The following GPR137B variants were observed in gnomAD, a reference collection of about 807,000 sequenced individuals.
The protein encoded by GPR137B is integral membrane protein GPR137B.
GPR137B carries 42 observed loss-of-function variants against 42.5 expected under a neutral mutation model. That is an observed-to-expected ratio of 0.99 (90% CI 0.77 to 1.28). The LOEUF (loss-of-function observed/expected upper bound fraction) is 1.28. Among genes scored for constraint, GPR137B ranks in the 50% most tolerant of loss-of-function variants. The probability of loss-of-function intolerance (pLI) is 0.00; values close to 1 mark genes in which losing one functional copy is unlikely to be tolerated. For synonymous variants in GPR137B, 218 were observed against 209.7 expected (o/e 1.04, Z -0.34); for missense variants, 487 against 493.9 (o/e 0.99, Z 0.13).
chr1:236,148,757 G>A (rs1158659264), intron 1 of GPR137B, among the ~76,000 whole-genome samples: 1 of 152,124 alleles, frequency 6.6e-6, no homozygotes, highest in Admixed American at 6.6e-5. Context: ...TGCGGCTCAT[G>A]GTAGGGGCTC....
At chr1:236,201,332 G>A (rs149152105) in intron 5 of GPR137B, among the ~76,000 whole-genome samples, 2 of 152,160 alleles carry the variant, frequency 1.3e-5, no homozygotes, top group African/African-American at 4.8e-5. Flanking sequence ...GATCTCTAGT[G>A]AGGCCAGGGA....
intron 1 of GPR137B, among the ~76,000 whole-genome samples, chr1:236,165,227 A>G (rs1344224828): frequency 6.6e-6 from 1 of 152,204 alleles, no homozygotes; most frequent in Non-Finnish European, 1.5e-5. Flanking sequence ...ATATTGCCAC[A>G]AATTATAAGA....
intron 2 of GPR137B, among the ~76,000 whole-genome samples, chr1:236,174,694 C>T (rs1662633821): frequency 6.6e-6 from 1 of 152,108 alleles, no homozygotes; most frequent in African/African-American, 2.4e-5. Flanking sequence ...AGAAGAGGGA[C>T]ACTGGGGCTG....
intron 1 of GPR137B, among the ~76,000 whole-genome samples, chr1:236,145,089 C>G (rs1661646124): frequency 6.6e-6 from 1 of 152,212 alleles, no homozygotes; most frequent in Non-Finnish European, 1.5e-5. Context: ...CCTGAGGGCA[C>G]AGGGTGGCTG....
chr1:236,205,411 A>G (rs1270365744), intron 6 of GPR137B, among the ~76,000 whole-genome samples, 161 bp downstream of exon 6: 2 of 152,242 alleles, frequency 1.3e-5, no homozygotes, highest in African/African-American at 4.8e-5. Context: ...TGAAACATTC[A>G]GGAATGAGAA....
Position 236,183,862 on chromosome 1 carries a change from T to A in GPR137B, c.922T>A (p.Leu308Ile). 1 of 1,606,818 alleles carries A rather than the reference T, an allele frequency of 6.2e-7. No individual in the cohort carries two copies. Among genetic ancestry groups the A allele is most frequent in the Non-Finnish European group, 8.5e-7 (1 of 1,173,570 alleles). Residue 308 changes from leucine to isoleucine, a missense_variant, in exon 5 of 7, where the codon TTA (leucine) becomes ATA (isoleucine). Leu to Ile is a conservative substitution (Grantham distance 5). Transcript: ENST00000366592. ...LFVWELLPTT[L>I]VVYFFRVRNP... ...TGTTTGGGAACTCTTACCTACCACC[T>A]TAGTCGTTTATTTCTTCCGAGTTAG...
intron 5 of GPR137B, among the ~76,000 whole-genome samples, chr1:236,202,814 GT>G (rs1253664026): frequency 6.6e-6 from 1 of 152,140 alleles, no homozygotes; most frequent in Non-Finnish European, 1.5e-5. Flanking sequence ...ATTCCCCAAT[GT>G]TTTCTTGTAG....
At chr1:236,168,541 T>A (rs1172265810) in intron 1 of GPR137B, among the ~76,000 whole-genome samples, 165 bp from the exon 2 acceptor site, 1 of 152,152 alleles carries the variant, frequency 6.6e-6, no homozygotes, top group Non-Finnish European at 1.5e-5. Flanking sequence ...TAAAACTGTA[T>A]GTGCAACATA....
chr1:236,183,354 TA>T (rs896580115), intron 4 of GPR137B, among the ~76,000 whole-genome samples: 6 of 152,336 alleles, frequency 3.9e-5, no homozygotes, highest in African/African-American at 1.4e-4. Flanking sequence ...GGAGGCAACA[TA>T]ACCTTCTCAC....
At chr1:236,148,776 T>C (rs1319181993) in intron 1 of GPR137B, among the ~76,000 whole-genome samples, 19 of 151,918 alleles carry the variant, frequency 1.3e-4, no homozygotes, top group Non-Finnish European at 1.3e-4. Context: ...TCATAGTCGG[T>C]GTTGGGAGCT....
intron 1 of GPR137B, among the ~76,000 whole-genome samples, chr1:236,157,026 G>A (rs571750372): frequency 2.4e-4 from 37 of 152,204 alleles, no homozygotes; most frequent in Admixed American, 1.6e-3. Flanking sequence ...CTTACTAGGC[G>A]GCAGGCATTT....
Position 236,150,548 on chromosome 1 carries a change from T to C in GPR137B, c.414+7512T>C, listed in dbSNP as rs1661828973. 6.6e-6 allele frequency among the ~76,000 whole-genome samples: 1 copy of C among 152,124 alleles called. No individual in the cohort carries two copies. The highest frequency in any genetic ancestry group is 1.5e-5 in the Non-Finnish European group (1 of 68,026). ...CCGAGGGGGAACTAAATCCTGTTAA[T>C]GCCCTCAGCACTCGGGGAACAATTA... On this transcript the variant is annotated intron_variant, in intron 1 of 6. Transcript: ENST00000366592. This position sits in a 1 kb window ranked among gnomAD's most constrained non-coding sequence, Gnocchi z 6.2.
chr1:236,161,281 C>A (rs967733631), intron 1 of GPR137B, among the ~76,000 whole-genome samples: 1 of 152,160 alleles, frequency 6.6e-6, no homozygotes, highest in Non-Finnish European at 1.5e-5. Flanking sequence ...CCCTGGACAG[C>A]GGCCTCTTCC....
chr1:236,196,052 C>T (rs934150196), intron 5 of GPR137B, among the ~76,000 whole-genome samples: 2 of 151,382 alleles, frequency 1.3e-5, no homozygotes, highest in African/African-American at 4.9e-5. Context: ...GTTTCTTTTA[C>T]TGTGCAAAAG....
rs546113020 is a variant in GPR137B, at chr1:236,206,874, T to TGCCA, written c.1092-1175_1092-1172dup. On this transcript the variant is annotated intron_variant, in intron 6 of 6. Transcript: ENST00000366592. ...GAGCCAAAAGGGCTGACATAGTGCC[T>TGCCA]GCCAAGCCTGTCTTCTCTCTGCTTG... 3.6e-3 allele frequency among the ~76,000 whole-genome samples: 551 copies of TGCCA among 152,288 alleles called. 4 individuals carry two copies. The highest frequency in any genetic ancestry group is 5.3e-3 in the Admixed American group (81 of 15,300).
intron 2 of GPR137B, among the ~76,000 whole-genome samples, chr1:236,169,661 C>T (rs1028539518): frequency 2.0e-5 from 3 of 152,144 alleles, no homozygotes; most frequent in South Asian, 2.1e-4. Flanking sequence ...GGGGGATCTG[C>T]ATTTTCCTAT....
At chr1:236,190,257 C>T (rs550937471) in intron 5 of GPR137B, among the ~76,000 whole-genome samples, 24 of 137,178 alleles carry the variant, frequency 1.7e-4, no homozygotes, top group Non-Finnish European at 1.2e-4. Flanking sequence ...CTGAATACAG[C>T]ATAGTGATGG....
intron 5 of GPR137B, among the ~76,000 whole-genome samples, chr1:236,195,574 T>G (rs1465219634): frequency 6.6e-6 from 1 of 152,214 alleles, no homozygotes; most frequent in East Asian, 1.9e-4. Context: ...AACACAGGAT[T>G]GCAGATATCT....
chr1:236,195,001 G>A (rs1174773027), intron 5 of GPR137B, among the ~76,000 whole-genome samples: 1 of 152,050 alleles, frequency 6.6e-6, no homozygotes, highest in Non-Finnish European at 1.5e-5. Flanking sequence ...ATAGATAATA[G>A]GTGTGTATAT....
Sources: allele counts gnomAD v4.1 joint callset (sites outside exome capture counted in the v4.1 genomes callset), GRCh38; gene constraint gnomAD v4.1.1; non-coding constraint Gnocchi (gnomAD v3.1); transcripts MANE v1.5; gene names NCBI Gene and HGNC (gene_info 2026-07-23, HGNC 2026-07-21).